The following CNTNAP2 variants were observed in gnomAD, a reference collection of about 807,000 sequenced individuals.
The protein encoded by CNTNAP2 is contactin-associated protein-like 2.
A neutral mutation model predicts 155.2 loss-of-function variants in CNTNAP2; 98 were observed. The observed-to-expected ratio is 0.63, with a 90% CI of 0.54 to 0.75. The LOEUF (loss-of-function observed/expected upper bound fraction) is 0.75, where lower values mean the gene tolerates loss of function less well. Among genes scored for constraint, CNTNAP2 ranks in the 30% least tolerant of loss-of-function variants. CNTNAP2 has a pLI of 0.00. For synonymous variants in CNTNAP2, 651 were observed against 631.2 expected (o/e 1.03, Z -0.47); for missense variants, 1,727 against 1,688.1 (o/e 1.02, Z -0.40).
chr7:146,612,692 A>G (rs773157223), intron 1 of CNTNAP2, among the ~76,000 whole-genome samples: 1 of 152,176 alleles, frequency 6.6e-6, no homozygotes, highest in South Asian at 2.1e-4. Context: ...AGACGGGTAC[A>G]GCTTAAATTT....
At chr7:147,424,645 C>A (rs1006923617) in intron 10 of CNTNAP2, among the ~76,000 whole-genome samples, 5 of 152,146 alleles carry the variant, frequency 3.3e-5, no homozygotes, top group African/African-American at 1.2e-4. Flanking sequence ...GTTGACTTAT[C>A]TCTCTAGCTA....
intron 1 of CNTNAP2, among the ~76,000 whole-genome samples, chr7:146,158,448 C>T (rs1798162144): frequency 6.6e-6 from 1 of 152,050 alleles, no homozygotes; most frequent in African/African-American, 2.4e-5. Flanking sequence ...CTTCTCTGAG[C>T]TAAAGGAGGA....
intron 1 of CNTNAP2, among the ~76,000 whole-genome samples, chr7:146,468,619 A>G (rs534923224): frequency 5.9e-5 from 9 of 152,138 alleles, no homozygotes; most frequent in Non-Finnish European, 8.8e-5. Flanking sequence ...AAAAATGCTC[A>G]ACACATAGTT....
intron 1 of CNTNAP2, among the ~76,000 whole-genome samples, chr7:146,748,517 C>A (rs972950117): frequency 1.3e-5 from 2 of 152,032 alleles, no homozygotes; most frequent in African/African-American, 4.8e-5. Flanking sequence ...AACCTCAGCT[C>A]TTCTCGCTGA....
intron 11 of CNTNAP2, among the ~76,000 whole-genome samples, chr7:147,559,374 C>T (rs1584812911): frequency 1.3e-5 from 2 of 152,164 alleles, no homozygotes; most frequent in African/African-American, 4.8e-5. Context: ...AGTTCTTGTA[C>T]ACATAGATGA....
At chr7:147,260,516 T>C (rs1347070978) in intron 8 of CNTNAP2, among the ~76,000 whole-genome samples, 1 of 152,166 alleles carries the variant, frequency 6.6e-6, no homozygotes, top group Non-Finnish European at 1.5e-5. Flanking sequence ...TCTGAAAATA[T>C]TATAGTATGC....
intron 9 of CNTNAP2, among the ~76,000 whole-genome samples, chr7:147,309,370 A>G (rs1018121954): frequency 2.0e-5 from 3 of 152,202 alleles, no homozygotes; most frequent in African/African-American, 7.2e-5. Context: ...GGAAATCACA[A>G]CTTAGAACCT....
At position 146,550,419 on chromosome 7, in the gene CNTNAP2, T is replaced by TGTTTG. The variant is rs1201636256; in HGVS notation, c.98-223852_98-223851insGTTTG. Among the ~76,000 whole-genome samples, 287 of 142,372 alleles carry TGTTTG rather than the reference T, an allele frequency of 2.0e-3. 3 individuals carry two copies. The highest frequency in any genetic ancestry group is 3.2e-3 in the Non-Finnish European group (211 of 65,110). The allele number at this position is 142,372 out of a possible 152,430, so 93.4% of individuals were successfully genotyped here. On this transcript the variant is annotated intron_variant, in intron 1 of 23. Transcript: ENST00000361727. The stretch of plus-strand genomic sequence containing the variant: ...TTAATCTGTTTTTTTTTTTTTTTTT[T>TGTTTG]TTTTTTTTTTATAAAGTACCCGAGA...
chr7:146,584,787 T>G (rs1798661753), intron 1 of CNTNAP2, among the ~76,000 whole-genome samples: 1 of 128,980 alleles, frequency 7.8e-6, no homozygotes, highest in Admixed American at 7.0e-5. Context: ...GCCAATGTTC[T>G]TAAACCAATT....
At chr7:147,221,381 G>A (rs1175345520) in intron 8 of CNTNAP2, among the ~76,000 whole-genome samples, 1 of 152,126 alleles carries the variant, frequency 6.6e-6, no homozygotes, top group Non-Finnish European at 1.5e-5. Flanking sequence ...AGGCATGCAG[G>A]GAAACTGAGC....
intron 16 of CNTNAP2, among the ~76,000 whole-genome samples, chr7:148,119,686 C>T (rs561970031): frequency 3.3e-5 from 5 of 152,216 alleles, no homozygotes; most frequent in East Asian, 3.9e-4. Context: ...AATTCCACAC[C>T]GTCAGGTAAA....
At position 147,469,506 on chromosome 7, in the gene CNTNAP2, A is replaced by ATTTTTTTTTTTTTTTTTTTT; in HGVS notation, c.1671-16422_1671-16403dup. Among the ~76,000 whole-genome samples, 148 of 79,114 alleles carry ATTTTTTTTTTTTTTTTTTTT rather than the reference A, an allele frequency of 1.9e-3. 26 individuals are homozygous for ATTTTTTTTTTTTTTTTTTTT. Among genetic ancestry groups the ATTTTTTTTTTTTTTTTTTTT allele is most frequent in the East Asian group, 3.7e-3 (8 of 2,172 alleles). 51.9% of individuals were successfully genotyped at this position (79,114 alleles called of 152,430 possible). The stretch of plus-strand genomic sequence containing the variant: ...CAGAGCACCAGGATGTCAGGCTGCA[A>ATTTTTTTTTTTTTTTTTTTT]TTTTTTTTTTTTTTTTTTTTTTTTT... On this transcript the variant is annotated intron_variant, in intron 10 of 23. Transcript: ENST00000361727.
At chr7:146,851,177 G>A (rs374095007) in intron 3 of CNTNAP2, among the ~76,000 whole-genome samples, 3 of 151,908 alleles carry the variant, frequency 2.0e-5, no homozygotes, top group Non-Finnish European at 4.4e-5. Context: ...TAGAGGTCGG[G>A]TTTTGCCATA....
chr7:147,300,039 GA>G (rs1213927422), intron 8 of CNTNAP2, 101 bp from the exon 9 acceptor site: 1 of 1,313,420 alleles, frequency 7.6e-7, no homozygotes, highest in African/African-American at 1.5e-5. Context: ...TTTTCCAAGA[GA>G]AAAATACTTT....
At chr7:147,196,954 G>T (rs1176708337) in intron 8 of CNTNAP2, among the ~76,000 whole-genome samples, 1 of 152,006 alleles carries the variant, frequency 6.6e-6, no homozygotes, top group Non-Finnish European at 1.5e-5. Flanking sequence ...CTGGAGGCAG[G>T]GAACCTAAGG....
At chr7:148,137,387 C>T (rs1433269640) in intron 16 of CNTNAP2, among the ~76,000 whole-genome samples, 1 of 152,222 alleles carries the variant, frequency 6.6e-6, no homozygotes, top group African/African-American at 2.4e-5. Context: ...CAGTTGGGCA[C>T]AGTGGCTCAC....
chr7:147,919,547 C>A (rs1800226998), intron 14 of CNTNAP2, among the ~76,000 whole-genome samples: 1 of 146,626 alleles, frequency 6.8e-6, no homozygotes, highest in Admixed American at 7.1e-5. Context: ...CAAGCTCCGT[C>A]CCCTGGGTTC....
At position 148,348,568 on chromosome 7, in the gene CNTNAP2, G is replaced by A. The variant is rs190809089; in HGVS notation, c.3476-35081G>A. 2.6e-4 allele frequency among the ~76,000 whole-genome samples: 40 copies of A among 152,250 alleles called. 1 individual carries two copies. The highest frequency in any genetic ancestry group is 8.2e-4 in the African/African-American group (34 of 41,546). On this transcript the variant is annotated intron_variant, in intron 21 of 23. Coordinates refer to ENST00000361727, the MANE Select transcript of CNTNAP2 (RefSeq NM_014141.6). ...CCCTCACGGAGGACGAGGTGACAGC[G>A]TGGGCACAGCCAGCTCTTGAAGAAT...
chr7:147,128,852 C>T lies in CNTNAP2; in HGVS notation c.1083+16C>T, dbSNP rs371536143. On this transcript the variant is annotated intron_variant, in intron 7 of 23. Transcript: ENST00000361727. ...CTCAAATGTGGTAAGGATTTTCACCCGCAAAATATTGGTCTATAAAATATC... is the reference window on the plus strand; with the variant it reads ...CTCAAATGTGGTAAGGATTTTCACCTGCAAAATATTGGTCTATAAAATATC... 7.4e-5 allele frequency: 119 copies of T among 1,613,638 alleles called. No homozygotes were observed. The highest frequency in any genetic ancestry group is 1.9e-4 in the African/African-American group (14 of 74,966).
Sources: allele counts gnomAD v4.1 joint callset (sites outside exome capture counted in the v4.1 genomes callset), GRCh38; gene constraint gnomAD v4.1.1; transcripts MANE v1.5; gene names NCBI Gene and HGNC (gene_info 2026-07-23, HGNC 2026-07-21).